SLC4A4: variants seen among roughly 807,000 people sequenced by gnomAD.
The protein encoded by SLC4A4 is electrogenic sodium bicarbonate cotransporter 1.
SLC4A4 carries 27 observed loss-of-function variants against 111.5 expected under a neutral mutation model. The observed-to-expected ratio is 0.24, with a 90% CI of 0.18 to 0.33. The LOEUF (loss-of-function observed/expected upper bound fraction) is 0.33. SLC4A4 is among the 10% of genes least tolerant of loss of function. The pLI is 1.00. For synonymous variants in SLC4A4, 443 were observed against 463.4 expected, an observed-to-expected ratio of 0.96 and a Z score of 0.57; for missense variants, 909 against 1,315.5, an observed-to-expected ratio of 0.69 and a Z score of 4.78.
intron 6 of SLC4A4, among the ~76,000 whole-genome samples, chr4:71,386,813 G>A (rs1718772695): frequency 6.6e-6 from 1 of 152,064 alleles, no homozygotes; most frequent in Admixed American, 6.6e-5. Flanking sequence ...TTTAAGGTAT[G>A]GGTTTTAGTC....
chr4:71,493,641 C>G (rs575559057), intron 15 of SLC4A4, among the ~76,000 whole-genome samples: 2 of 151,936 alleles, frequency 1.3e-5, no homozygotes, highest in South Asian at 4.2e-4. Flanking sequence ...ACGTCTCTCT[C>G]TCTGTCTTTC....
intron 2 of SLC4A4, among the ~76,000 whole-genome samples, chr4:71,245,351 G>C (rs928989287): frequency 6.6e-6 from 1 of 152,178 alleles, no homozygotes; most frequent in African/African-American, 2.4e-5. Context: ...TTGGCTGCTG[G>C]ATGGAGACAG....
chr4:71,425,672 G>A (rs1199610374), intron 7 of SLC4A4, among the ~76,000 whole-genome samples: 1 of 152,066 alleles, frequency 6.6e-6, no homozygotes, highest in Non-Finnish European at 1.5e-5. Context: ...CAGAAAGCAA[G>A]GAAAACTCAA....
chr4:71,432,876 T>C lies in SLC4A4; in HGVS notation c.808-7740T>C, dbSNP rs1309000935. Reference sequence around the variant, plus strand: ...ATTAATGGGGAAATGGGGTCATGCCTGCCACTTCCATCTCCACAACAATCC... The same window carrying C: ...ATTAATGGGGAAATGGGGTCATGCCCGCCACTTCCATCTCCACAACAATCC... On this transcript the variant is annotated intron_variant, in intron 7 of 25. Transcript: ENST00000264485. 2.6e-5 allele frequency among the ~76,000 whole-genome samples: 4 copies of C among 152,236 alleles called. No individual in the cohort carries two copies. The East Asian group carries it at 7.7e-4, about 29-fold the overall frequency.
At chr4:71,379,171 A>G (rs1717846379) in intron 6 of SLC4A4, among the ~76,000 whole-genome samples, 2 of 152,148 alleles carry the variant, frequency 1.3e-5, no homozygotes, top group African/African-American at 4.8e-5. Context: ...CCCTCTGCTC[A>G]AAAACCTTTA....
chr4:71,458,971 A>G (rs576880093), intron 12 of SLC4A4, among the ~76,000 whole-genome samples: 17 of 152,114 alleles, frequency 1.1e-4, no homozygotes, highest in African/African-American at 3.9e-4. Flanking sequence ...GAATGACACA[A>G]TTTTGGTAGG....
chr4:71,489,372 G>T (rs1729696512), intron 15 of SLC4A4, among the ~76,000 whole-genome samples: 3 of 151,726 alleles, frequency 2.0e-5, no homozygotes, highest in Admixed American at 6.6e-5. Flanking sequence ...GTGTCAGACT[G>T]CCTGGTTCAA....
intron 1 of SLC4A4, chr4:71,233,220 G>C (rs918314624): frequency 1.0e-6 from 1 of 961,622 alleles, no homozygotes; most frequent in African/African-American, 1.8e-5. Context: ...CAACATAGTA[G>C]TAGCATCCAG....
At chr4:71,334,679 T>G (rs1009845972) in intron 3 of SLC4A4, among the ~76,000 whole-genome samples, 2 of 152,138 alleles carry the variant, frequency 1.3e-5, no homozygotes, top group African/African-American at 4.8e-5. Flanking sequence ...ATGTAATAAA[T>G]AAGACAACCT....
At chr4:71,181,355 T>TA (rs1745288421) in intron 2 of SLC4A4, among the ~76,000 whole-genome samples, 1 of 152,094 alleles carries the variant, frequency 6.6e-6, no homozygotes, top group African/African-American at 2.4e-5. Flanking sequence ...CCCTAAAACT[T>TA]AAAGTATAAT....
intron 2 of SLC4A4, among the ~76,000 whole-genome samples, chr4:71,152,279 A>G (rs187208698): frequency 1.6e-4 from 24 of 152,270 alleles, no homozygotes; most frequent in Admixed American, 3.3e-4. Flanking sequence ...TACCTTTATT[A>G]CATATATGCT....
chr4:71,438,633 A>G (rs1171917909), intron 7 of SLC4A4, among the ~76,000 whole-genome samples: 1 of 152,206 alleles, frequency 6.6e-6, no homozygotes, highest in Non-Finnish European at 1.5e-5. Context: ...TCATGGATAA[A>G]TGCAATCATT....
chr4:71,179,235 C>G lies in SLC4A4; in HGVS notation c.-1-57341C>G, dbSNP rs555919083. Among the ~76,000 whole-genome samples, 660 of 152,210 alleles carry G rather than the reference C, an allele frequency of 4.3e-3. 5 individuals are homozygous for G. The highest frequency in any genetic ancestry group is 0.015 in the African/African-American group (639 of 41,514). The stretch of plus-strand genomic sequence containing the variant: ...TAATAAGAGCTATCTATGACAAACC[C>G]ACAGCCAATATCATACTGAATGGGC... On this transcript the variant is annotated intron_variant, in intron 2 of 26. Transcript: ENST00000649996.
intron 12 of SLC4A4, 79 bp downstream of exon 12, chr4:71,453,748 A>G: frequency 1.5e-6 from 2 of 1,330,024 alleles, no homozygotes; most frequent in Non-Finnish European, 2.2e-6. Flanking sequence ...TTAGAAGCAG[A>G]TGGCCTTTCA....
At chr4:71,097,178 A>T (rs771576589) in intron 2 of SLC4A4, among the ~76,000 whole-genome samples, 1 of 152,050 alleles carries the variant, frequency 6.6e-6, no homozygotes, top group Non-Finnish European at 1.5e-5. Flanking sequence ...TCCTCCCATC[A>T]TCCACCCTTA....
chr4:71,411,513 C>A (rs535683783), intron 7 of SLC4A4, among the ~76,000 whole-genome samples: 9 of 152,120 alleles, frequency 5.9e-5, no homozygotes, highest in Non-Finnish European at 5.9e-5. Flanking sequence ...CACTAATAGG[C>A]CATTTGCTTC....
At chr4:71,099,233 T>C (rs1742646714) in intron 2 of SLC4A4, among the ~76,000 whole-genome samples, 1 of 152,072 alleles carries the variant, frequency 6.6e-6, no homozygotes, top group Non-Finnish European at 1.5e-5. Flanking sequence ...GCAAAAGAAC[T>C]GAAATCACAC....
intron 1 of SLC4A4, among the ~76,000 whole-genome samples, chr4:71,086,461 G>A (rs1009884312): frequency 6.6e-6 from 1 of 152,034 alleles, no homozygotes; most frequent in Non-Finnish European, 1.5e-5. Flanking sequence ...AGTGGTGAGA[G>A]AGGTCATCCG....
chr4:71,278,466 G>A (rs981055976), intron 3 of SLC4A4, among the ~76,000 whole-genome samples: 2 of 152,204 alleles, frequency 1.3e-5, no homozygotes, highest in African/African-American at 4.8e-5. Context: ...TAGCCCAGAA[G>A]TGGGATTGCT....
Sources: gnomAD v4.1 joint callset for allele counts (sites outside exome capture counted in the v4.1 genomes callset) on GRCh38, gnomAD v4.1.1 for gene constraint, MANE v1.5 for transcripts, NCBI Gene and HGNC (gene_info 2026-07-23, HGNC 2026-07-21) for gene names.